Variants in PEAK1 observed in about 807,000 individuals in gnomAD.
PEAK1 encodes pseudopodium enriched atypical kinase 1.
A neutral mutation model predicts 124.7 loss-of-function variants in PEAK1; 54 were observed. The ratio of observed to expected loss-of-function variants is 0.43; its 90% CI spans 0.35 to 0.54. The LOEUF (loss-of-function observed/expected upper bound fraction) is 0.54, where lower values mean the gene tolerates loss of function less well. PEAK1 is among the 20% of genes least tolerant of loss of function. The probability of loss-of-function intolerance (pLI) is 0.01; values close to 1 mark genes in which losing one functional copy is unlikely to be tolerated. For synonymous variants in PEAK1, 719 were observed against 760.0 expected (o/e 0.95, Z 0.89); for missense variants, 2,046 against 2,134.5 (o/e 0.96, Z 0.82).
At chr15:77,163,773 T>C (rs12899826) in intron 7 of PEAK1, among the ~76,000 whole-genome samples, 13,320 of 152,216 alleles carry the variant, frequency 0.088, 657 homozygotes, top group Admixed American at 0.1. Context: ...CAAATGTTAT[T>C]CTGAATTCCA....
intron 1 of PEAK1, among the ~76,000 whole-genome samples, chr15:77,372,627 T>C (rs1367335621): frequency 6.6e-6 from 1 of 152,216 alleles, no homozygotes; most frequent in Non-Finnish European, 1.5e-5. Flanking sequence ...AGTTTAGATA[T>C]GGCTGAAGAA....
At chr15:77,122,078 G>C (rs2051968965) in intron 9 of PEAK1, among the ~76,000 whole-genome samples, 1 of 152,102 alleles carries the variant, frequency 6.6e-6, no homozygotes, top group South Asian at 2.1e-4. Flanking sequence ...CTGCTACAGA[G>C]CTAAGACCCA....
At chr15:77,402,312 G>C (rs758519255) in intron 1 of PEAK1, 148 of 985,050 alleles carry the variant, frequency 1.5e-4, no homozygotes, top group Non-Finnish European at 1.7e-4. Flanking sequence ...TAGACATCGG[G>C]GAGAAAAGGA....
At chr15:77,322,698 G>A (rs2065302365) in intron 2 of PEAK1, among the ~76,000 whole-genome samples, 1 of 152,152 alleles carries the variant, frequency 6.6e-6, no homozygotes, top group African/African-American at 2.4e-5. Context: ...TCTACCAGAG[G>A]TACAAGGAGG....
In PEAK1 at chr15:77,261,972, A is replaced by G. The variant is rs536654802; in HGVS notation, c.-274-9446T>C. On this transcript the variant is annotated intron_variant, in intron 5 of 9. Transcript: ENST00000682557. Reference sequence around the variant, plus strand: ...CCAATATTCAACATTCTTAAAGAAAAGAATTTTCAACCCACAATTTCATAT... The same window carrying G: ...CCAATATTCAACATTCTTAAAGAAAGGAATTTTCAACCCACAATTTCATAT... Among the ~76,000 whole-genome samples the G allele has an allele frequency of 1.1e-4, 17 of 152,314 alleles. No homozygotes were observed. In the South Asian group the frequency reaches 3.3e-3, roughly 30 times the overall value.
At chr15:77,411,267 T>C (rs2072389730) in intron 1 of PEAK1, among the ~76,000 whole-genome samples, 2 of 151,974 alleles carry the variant, frequency 1.3e-5, no homozygotes, top group South Asian at 2.1e-4. Flanking sequence ...TTAAATCCTA[T>C]TGATTGTGAA....
At chr15:77,300,778 T>A (rs1266232655) in intron 2 of PEAK1, among the ~76,000 whole-genome samples, 1 of 152,218 alleles carries the variant, frequency 6.6e-6, no homozygotes, top group Non-Finnish European at 1.5e-5. Flanking sequence ...TTTTTATGAC[T>A]GTATTCGTTT....
chr15:77,372,865 C>CCTCTCTCT (rs144774435), intron 1 of PEAK1, among the ~76,000 whole-genome samples: 1 of 150,152 alleles, frequency 6.7e-6, no homozygotes, highest in Admixed American at 6.6e-5. Flanking sequence ...GCACCTTCCT[C>CCTCTCTCT]CTCTCTCTCT....
chr15:77,197,545 T>C (rs932983716), intron 6 of PEAK1, among the ~76,000 whole-genome samples: 1 of 152,320 alleles, frequency 6.6e-6, no homozygotes, highest in South Asian at 2.1e-4. Context: ...AATTTTTGGT[T>C]CTACCTTTAC....
intron 2 of PEAK1, among the ~76,000 whole-genome samples, chr15:77,291,172 AGCTGAAT>A (rs1318824370): frequency 2.6e-5 from 4 of 152,214 alleles, no homozygotes; most frequent in Admixed American, 6.5e-5. Context: ...TGAGATACAA[AGCTGAAT>A]GTTAATTTTC....
intron 5 of PEAK1, among the ~76,000 whole-genome samples, chr15:77,258,711 C>A (rs2152934754): frequency 6.6e-6 from 1 of 152,238 alleles, no homozygotes. Context: ...ATTGAATACC[C>A]TTTATTTCCT....
intron 1 of PEAK1, among the ~76,000 whole-genome samples, chr15:77,400,318 C>A (rs1036643650): frequency 1.3e-5 from 2 of 152,058 alleles, no homozygotes; most frequent in Admixed American, 1.3e-4. Flanking sequence ...CAGGTATATA[C>A]CCATAACAAA....
chr15:77,381,557 G>C, intron 1 of PEAK1: 1 of 761,972 alleles, frequency 1.3e-6, no homozygotes, highest in Non-Finnish European at 1.6e-6. Flanking sequence ...TAAACAGAAA[G>C]GTTCACTTGT....
chr15:77,337,682 G>A (rs747034084), intron 2 of PEAK1: 172 of 985,014 alleles, frequency 1.7e-4, no homozygotes, highest in Non-Finnish European at 1.9e-4. Context: ...AAATTAACCC[G>A]GAAAAGTCAT....
chr15:77,357,972 C>CCTTGT (rs1337479884), intron 2 of PEAK1, among the ~76,000 whole-genome samples: 1 of 152,146 alleles, frequency 6.6e-6, no homozygotes, highest in African/African-American at 2.4e-5. Context: ...AAGCCAAGGA[C>CCTTGT]CTTGTCCTCT....
At chr15:77,160,077 T>C (rs1307039283) in intron 7 of PEAK1, among the ~76,000 whole-genome samples, 1 of 151,874 alleles carries the variant, frequency 6.6e-6, no homozygotes, top group East Asian at 1.9e-4. Flanking sequence ...CCTCACACAG[T>C]AAAGCATACT....
At chr15:77,404,726 G>A (rs2071666342) in intron 1 of PEAK1, 2 of 944,504 alleles carry the variant, frequency 2.1e-6, no homozygotes, top group Non-Finnish European at 2.5e-6. Context: ...TAGGAGGTAG[G>A]ATTTATTAAT....
chr15:77,402,795 T>G (rs1301234912), intron 1 of PEAK1: 1 of 985,270 alleles, frequency 1.0e-6, no homozygotes, highest in Non-Finnish European at 1.2e-6. Context: ...TCTTGCTTAC[T>G]TCATTCAGGA....
At chr15:77,326,255 T>C (rs1049649083) in intron 2 of PEAK1, among the ~76,000 whole-genome samples, 1 of 152,120 alleles carries the variant, frequency 6.6e-6, no homozygotes, top group Non-Finnish European at 1.5e-5. Flanking sequence ...GTCTATTAAC[T>C]TTGATAAAGG....
Sources: allele counts gnomAD v4.1 joint callset (sites outside exome capture counted in the v4.1 genomes callset), GRCh38; gene constraint gnomAD v4.1.1; transcripts MANE v1.5; gene names NCBI Gene and HGNC (gene_info 2026-07-23, HGNC 2026-07-21).